CECR2: variants seen among roughly 807,000 people sequenced by gnomAD.
The protein encoded by CECR2 is chromatin remodeling regulator CECR2.
A neutral mutation model predicts 154.5 loss-of-function variants in CECR2; 30 were observed. The observed-to-expected ratio is 0.19, with a 90% CI of 0.15 to 0.26. The LOEUF (loss-of-function observed/expected upper bound fraction) is 0.26. CECR2 is among the 10% of genes least tolerant of loss of function. The probability of loss-of-function intolerance (pLI) is 1.00; values close to 1 mark genes in which losing one functional copy is unlikely to be tolerated. For synonymous variants in CECR2, 725 were observed against 683.7 expected (o/e 1.06, Z -0.94); for missense variants, 1,743 against 1,829.3 (o/e 0.95, Z 0.86).
intron 1 of CECR2, among the ~76,000 whole-genome samples, chr22:17,445,751 C>T (rs2146680114): frequency 6.6e-6 from 1 of 151,782 alleles, no homozygotes; most frequent in Middle Eastern, 3.4e-3. Context: ...CACCACCATG[C>T]CTGGCTAATT....
chr22:17,491,094 G>A (rs2055521158), intron 2 of CECR2, among the ~76,000 whole-genome samples: 2 of 152,146 alleles, frequency 1.3e-5, no homozygotes, highest in African/African-American at 4.8e-5. Flanking sequence ...TTCATTGTGT[G>A]GATACACACT....
chr22:17,412,506 G>A (rs1476521784), intron 1 of CECR2, among the ~76,000 whole-genome samples: 5 of 152,042 alleles, frequency 3.3e-5, no homozygotes, highest in South Asian at 2.1e-4. Flanking sequence ...CTCCTAATTC[G>A]ATAGCATTTG....
intron 1 of CECR2, among the ~76,000 whole-genome samples, chr22:17,362,200 C>T (rs1443642399): frequency 6.6e-6 from 1 of 152,138 alleles, no homozygotes; most frequent in Non-Finnish European, 1.5e-5. Flanking sequence ...ACCGCCACCA[C>T]ACCTGGCTAA....
intron 7 of CECR2, among the ~76,000 whole-genome samples, chr22:17,507,720 A>G (rs967108151): frequency 1.3e-5 from 2 of 152,244 alleles, no homozygotes; most frequent in Non-Finnish European, 2.9e-5. Flanking sequence ...TAATCTTTAA[A>G]TACAATTTTC....
At chr22:17,517,502 G>A (rs2056080401) in intron 8 of CECR2, among the ~76,000 whole-genome samples, 1 of 152,212 alleles carries the variant, frequency 6.6e-6, no homozygotes, top group Non-Finnish European at 1.5e-5. Flanking sequence ...AGTAACACTT[G>A]AAGCCACACA....
chr22:17,397,403 A>G (rs1467259902), intron 1 of CECR2, among the ~76,000 whole-genome samples: 1 of 152,134 alleles, frequency 6.6e-6, no homozygotes, highest in African/African-American at 2.4e-5. Flanking sequence ...AAGGGCTGGG[A>G]TTACAGGCAT....
chr22:17,370,897 G>A (rs1364786221), intron 1 of CECR2, among the ~76,000 whole-genome samples: 2 of 152,148 alleles, frequency 1.3e-5, no homozygotes, highest in African/African-American at 4.8e-5. Context: ...AATATGTGTC[G>A]TGACTTTTCA....
chr22:17,537,020 TC>T (rs1189046799), intron 9 of CECR2, 82 bp from the exon 10 acceptor site: 21 of 1,522,254 alleles, frequency 1.4e-5, no homozygotes, highest in Non-Finnish European at 1.9e-5. Flanking sequence ...GCCTGGTTCT[TC>T]CTTCTCTCAC....
intron 2 of CECR2, among the ~76,000 whole-genome samples, chr22:17,481,451 G>A (rs1470115967): frequency 5.9e-5 from 9 of 151,490 alleles, no homozygotes; most frequent in Non-Finnish European, 1.2e-4. Flanking sequence ...AGGATTAAAC[G>A]AAATGATGAG....
intron 1 of CECR2, among the ~76,000 whole-genome samples, chr22:17,412,134 C>T (rs2054076718): frequency 6.6e-6 from 1 of 152,154 alleles, no homozygotes; most frequent in Admixed American, 6.6e-5. Flanking sequence ...TCTCTAATAT[C>T]ATGGCTAATA....
intron 1 of CECR2, among the ~76,000 whole-genome samples, chr22:17,467,636 G>A (rs1022597961): frequency 2.6e-5 from 4 of 152,102 alleles, no homozygotes. Flanking sequence ...ACAAAAATTA[G>A]TCGGGCATGG....
chr22:17,480,558 A>G (rs1287535949), intron 2 of CECR2, among the ~76,000 whole-genome samples: 2 of 152,084 alleles, frequency 1.3e-5, no homozygotes, highest in Non-Finnish European at 2.9e-5. Flanking sequence ...GAACACTACA[A>G]TCTACTTTAC....
chr22:17,542,274 C>T lies in CECR2; in HGVS notation c.2131C>T (p.Leu711Phe). Residue 711 changes from leucine (L) to phenylalanine (F), a missense_variant, in exon 16 of 19, where the codon CTT (leucine) becomes TTT (phenylalanine). Physicochemically the swap from Leu to Phe is conservative, Grantham distance 22. Transcript: ENST00000262608. ...NMGPHPGSLQ[L>F]GQISGPSQDG... ...GGGCCCACACCCTGGATCCTTGCAGCTTGGGCAGATAAGTGGCCCAAGTCA... is the reference window on the plus strand; with the variant it reads ...GGGCCCACACCCTGGATCCTTGCAGTTTGGGCAGATAAGTGGCCCAAGTCA... The T allele has an allele frequency of 1.2e-6, 2 of 1,611,136 alleles. No individual in the cohort carries two copies. The highest frequency in any genetic ancestry group is 1.7e-6 in the Non-Finnish European group (2 of 1,178,616).
chr22:17,515,375 C>CATGTCTTTATAGAAAATG (rs2146937229), intron 8 of CECR2, among the ~76,000 whole-genome samples: 1 of 152,326 alleles, frequency 6.6e-6, no homozygotes, highest in East Asian at 1.9e-4. Context: ...AGGCTCCCAC[C>CATGTCTTTATAGAAAATG]TGCCCACCAT....
In CECR2 at chr22:17,537,827, C is replaced by A. The variant is rs138509476; in HGVS notation, c.1238+595C>A. Among the ~76,000 whole-genome samples the A allele has an allele frequency of 6.6e-5, 10 of 152,072 alleles. No individual in the cohort carries two copies. In the East Asian group the frequency reaches 1.9e-3, roughly 29 times the overall value. On this transcript the variant is annotated intron_variant, in intron 10 of 18. Transcript: ENST00000262608. ...GGCCAATATGGTGAAACCCCCGTCT[C>A]TAATAAAAATTTTAAAAAAAATTAG... is the stretch of plus-strand genomic sequence containing the variant.
intron 8 of CECR2, among the ~76,000 whole-genome samples, chr22:17,523,755 C>CAAAAAAAAAAAAA: frequency 9.9e-6 from 1 of 101,164 alleles, no homozygotes; most frequent in Non-Finnish European, 2.0e-5. Flanking sequence ...GACTCTATCT[C>CAAAAAAAAAAAAA]AAAAAAAAAA....
In CECR2 at chr22:17,414,122, G is replaced by A. The variant is rs552191282; in HGVS notation, c.126+44213G>A. The stretch of plus-strand genomic sequence containing the variant: ...TGAGTAGCTGGGACTACAGGTGCCT[G>A]CCACCACGCCTGGCTAATTTTTTGT... On this transcript the variant is annotated intron_variant, in intron 1 of 18. Transcript: ENST00000262608. Among the ~76,000 whole-genome samples the A allele has an allele frequency of 2.5e-4, 38 of 151,924 alleles. 1 individual carries two copies. Among genetic ancestry groups the A allele is most frequent in the Middle Eastern group, 6.8e-3 (2 of 294 alleles).
intron 1 of CECR2, among the ~76,000 whole-genome samples, chr22:17,379,100 G>A (rs1218295665): frequency 6.6e-6 from 1 of 152,076 alleles, no homozygotes; most frequent in Non-Finnish European, 1.5e-5. Context: ...GGTATTACAG[G>A]CGTGTGCCAC....
At chr22:17,546,262 T>G (rs538772197) in intron 16 of CECR2, among the ~76,000 whole-genome samples, 3 of 151,768 alleles carry the variant, frequency 2.0e-5, no homozygotes, top group African/African-American at 7.3e-5. Context: ...CCGAGGCGGG[T>G]GGATCACGAG....
Sources: allele counts gnomAD v4.1 joint callset (sites outside exome capture counted in the v4.1 genomes callset), GRCh38; gene constraint gnomAD v4.1.1; transcripts MANE v1.5; gene names NCBI Gene and HGNC (gene_info 2026-07-23, HGNC 2026-07-21).